NRXN3: variants seen among roughly 807,000 people sequenced by gnomAD.
The protein encoded by NRXN3 is neurexin 3.
A neutral mutation model predicts 137.6 loss-of-function variants in NRXN3; 32 were observed. The ratio of observed to expected loss-of-function variants is 0.23; its 90% CI spans 0.18 to 0.31. The LOEUF (loss-of-function observed/expected upper bound fraction) is 0.31. NRXN3 is among the 10% of genes least tolerant of loss of function. The pLI, the probability that NRXN3 is intolerant of heterozygous loss-of-function variation, is 1.00. For missense variants in NRXN3, 1,574 were observed against 2,062.5 expected (o/e 0.76, Z 4.59); for synonymous variants, 798 against 784.5 (o/e 1.02, Z -0.29).
chr14:79,644,655 G>A (rs1474189673), intron 16 of NRXN3, among the ~76,000 whole-genome samples: 1 of 136,038 alleles, frequency 7.4e-6, no homozygotes, highest in African/African-American at 2.4e-5. Context: ...TACTTCTATC[G>A]AAGGTTTTTA....
chr14:79,511,603 C>G (rs1046695288), intron 16 of NRXN3, among the ~76,000 whole-genome samples: 4 of 152,212 alleles, frequency 2.6e-5, no homozygotes, highest in Admixed American at 6.5e-5. Context: ...TACCTCCCAT[C>G]TCTCTCAGTC....
chr14:79,565,273 GTGTATACATATACGCACACATGTGTA>G (rs1468076759), intron 16 of NRXN3, among the ~76,000 whole-genome samples: 2 of 119,198 alleles, frequency 1.7e-5, no homozygotes, highest in South Asian at 2.8e-4. Flanking sequence ...ACATGTGTGT[GTGTATACATATACGCACACATGTGTA>G]TATACATATA....
chr14:79,526,239 G>T (rs937188781), intron 16 of NRXN3, among the ~76,000 whole-genome samples: 1 of 152,144 alleles, frequency 6.6e-6, no homozygotes, highest in Non-Finnish European at 1.5e-5. Flanking sequence ...TAGAGACGGG[G>T]TTTCTTCATG....
At chr14:79,364,791 A>G (rs922730796) in intron 15 of NRXN3, among the ~76,000 whole-genome samples, 1 of 152,194 alleles carries the variant, frequency 6.6e-6, no homozygotes, top group Non-Finnish European at 1.5e-5. Flanking sequence ...CCTAGAGTTC[A>G]TAAATCTTCA....
At chr14:79,564,420 G>A (rs144072436) in intron 16 of NRXN3, among the ~76,000 whole-genome samples, 20 of 152,180 alleles carry the variant, frequency 1.3e-4, no homozygotes, top group African/African-American at 4.3e-4. Flanking sequence ...CCCAAGGTAG[G>A]GTTTCAACAA....
chr14:79,071,759 G>A (rs1288605355), intron 15 of NRXN3, among the ~76,000 whole-genome samples: 2 of 152,140 alleles, frequency 1.3e-5, no homozygotes, highest in Admixed American at 6.6e-5. Flanking sequence ...GGATTTGATA[G>A]CCTATCAGGG....
intron 15 of NRXN3, among the ~76,000 whole-genome samples, chr14:79,053,722 A>C (rs1012228841): frequency 2.0e-5 from 3 of 152,152 alleles, no homozygotes; most frequent in Admixed American, 6.5e-5. Flanking sequence ...GTAAGGGAAA[A>C]GAGGGTGAAA....
intron 4 of NRXN3, among the ~76,000 whole-genome samples, chr14:78,415,891 G>A (rs1381446031): frequency 1.3e-5 from 2 of 151,664 alleles, no homozygotes; most frequent in East Asian, 1.9e-4. Flanking sequence ...CAACTATGCC[G>A]GCACACTGAT....
At chr14:79,580,473 G>T (rs1287566451) in intron 16 of NRXN3, among the ~76,000 whole-genome samples, 1 of 149,738 alleles carries the variant, frequency 6.7e-6, no homozygotes, top group Admixed American at 6.7e-5. Context: ...ATCTTTGTGA[G>T]CTATGAAACT....
At chr14:78,296,817 T>C (rs1409648687) in intron 3 of NRXN3, among the ~76,000 whole-genome samples, 1 of 152,182 alleles carries the variant, frequency 6.6e-6, no homozygotes, top group Non-Finnish European at 1.5e-5. Flanking sequence ...GAGATTTCCA[T>C]ACTTTTTTTT....
chr14:79,606,139 C>A (rs1330508892), intron 16 of NRXN3, among the ~76,000 whole-genome samples: 1 of 152,184 alleles, frequency 6.6e-6, no homozygotes, highest in Non-Finnish European at 1.5e-5. Context: ...TGTTTTGTTA[C>A]CTCCGGATAA....
chr14:78,398,973 A>G (rs8008949), intron 4 of NRXN3, among the ~76,000 whole-genome samples: 151,926 of 152,304 alleles, frequency 1, 75,776 homozygotes, highest in Middle Eastern at 1. Context: ...CTGGGTAGAT[A>G]TGGGACCACA....
chr14:79,847,146 A>G (rs1178356029), intron 20 of NRXN3, among the ~76,000 whole-genome samples: 1 of 152,206 alleles, frequency 6.6e-6, no homozygotes, highest in African/African-American at 2.4e-5. Flanking sequence ...GGCTACTCCA[A>G]GTGTGATCTT....
chr14:79,783,725 G>T (rs1014093587), intron 19 of NRXN3, among the ~76,000 whole-genome samples: 2 of 152,120 alleles, frequency 1.3e-5, no homozygotes, highest in African/African-American at 4.8e-5. Flanking sequence ...TATCATGTAT[G>T]TCTTTAGAAT....
rs114213854 is a variant in NRXN3, at chr14:78,262,245, G to A, written c.710-16400G>A. Among the ~76,000 whole-genome samples the A allele has an allele frequency of 7.7e-3, 1,168 of 152,248 alleles. 19 individuals are homozygous for A. The highest frequency in any genetic ancestry group is 0.027 in the African/African-American group (1,122 of 41,536). ...GTATTTGCTTGGAGTATGGTTGATG[G>A]GTAGTGATGGATGGATGGATAGACG... On this transcript the variant is annotated intron_variant, in intron 2 of 20. Coordinates refer to ENST00000335750, the MANE Select transcript of NRXN3 (RefSeq NM_001330195.2).
intron 4 of NRXN3, among the ~76,000 whole-genome samples, chr14:78,577,014 C>T (rs2096942735): frequency 6.6e-6 from 1 of 152,182 alleles, no homozygotes; most frequent in African/African-American, 2.4e-5. Context: ...TTTAAGGCTG[C>T]ACAGTTTTTC....
chr14:79,783,210 C>T (rs1431425736), intron 19 of NRXN3, among the ~76,000 whole-genome samples: 1 of 152,166 alleles, frequency 6.6e-6, no homozygotes, highest in Non-Finnish European at 1.5e-5. Flanking sequence ...TCTATTTAAA[C>T]AGCACTGACT....
intron 10 of NRXN3, among the ~76,000 whole-genome samples, chr14:78,813,380 C>T (rs965715536): frequency 6.6e-6 from 1 of 152,134 alleles, no homozygotes; most frequent in African/African-American, 2.4e-5. Context: ...GGTCCTTACT[C>T]TTATCTGATT....
chr14:79,512,739 C>T (rs536628711), intron 16 of NRXN3, among the ~76,000 whole-genome samples: 6 of 152,228 alleles, frequency 3.9e-5, no homozygotes, highest in South Asian at 2.1e-4. Flanking sequence ...TTATATGTGT[C>T]GTCCCCAATC....
Sources: allele counts gnomAD v4.1 joint callset (sites outside exome capture counted in the v4.1 genomes callset), GRCh38; gene constraint gnomAD v4.1.1; transcripts MANE v1.5; gene names NCBI Gene and HGNC (gene_info 2026-07-23, HGNC 2026-07-21).